Variants in GCA observed in about 807,000 individuals in gnomAD.
The protein encoded by GCA is grancalcin, also known as grancalcin, EF-hand calcium-binding protein.
Under a neutral mutation model 32.6 loss-of-function variants are expected in GCA, and 30 were observed. The observed-to-expected ratio is 0.92, with a 90% CI of 0.69 to 1.25. GCA has a LOEUF of 1.25. GCA is among the 50% of genes most tolerant of loss of function. The pLI is 0.00. For missense variants in GCA, 291 were observed against 266.8 expected, an observed-to-expected ratio of 1.09 and a Z score of -0.63; for synonymous variants, 102 against 84.6, an observed-to-expected ratio of 1.21 and a Z score of -1.13.
At chr2:162,364,855 C>T (rs1195769062), downstream of GCA, among the ~76,000 whole-genome samples, 1 of 151,450 alleles carries the variant, frequency 6.6e-6, no homozygotes, top group African/African-American at 2.4e-5. Flanking sequence ...TGAGTTAAAG[C>T]CTGTTTATCC....
At chr2:162,340,662 A>G (rs773320810), upstream of GCA, among the ~76,000 whole-genome samples, 4 of 152,176 alleles carry the variant, frequency 2.6e-5, no homozygotes, top group Non-Finnish European at 4.4e-5. Context: ...TGGTCTGTGA[A>G]GCCCTGCATG....
intron 3 of GCA, among the ~76,000 whole-genome samples, chr2:162,355,380 A>C (rs1346744251): frequency 6.6e-6 from 1 of 152,158 alleles, no homozygotes; most frequent in Non-Finnish European, 1.5e-5. Flanking sequence ...AATGTCTTAT[A>C]ATTTTTTCTT....
chr2:162,345,238 C>A (rs1177754935), intron 1 of GCA, among the ~76,000 whole-genome samples: 2 of 151,992 alleles, frequency 1.3e-5, no homozygotes, highest in Non-Finnish European at 2.9e-5. Flanking sequence ...TTAAGACTTG[C>A]CTCAATCCCC....
chr2:162,326,849 G>A (rs937338603), intron 1 of GCA, among the ~76,000 whole-genome samples: 2 of 152,064 alleles, frequency 1.3e-5, no homozygotes, highest in Non-Finnish European at 2.9e-5. Flanking sequence ...AAAACTCAGG[G>A]TATGATGGAG....
intron 1 of GCA, among the ~76,000 whole-genome samples, chr2:162,322,495 G>A (rs1026770134): frequency 1.3e-5 from 2 of 150,544 alleles, no homozygotes; most frequent in Non-Finnish European, 2.9e-5. Flanking sequence ...TCATGCTGGT[G>A]CGCTGCACCC....
chr2:162,321,268 T>C (rs12472542), intron 1 of GCA, among the ~76,000 whole-genome samples: 13,610 of 152,244 alleles, frequency 0.089, 1,341 homozygotes, highest in Admixed American at 0.23. Context: ...TTTAATCCTT[T>C]TCACCAGTTC....
chr2:162,331,290 T>TTTA (rs1438898946), intron 1 of GCA, among the ~76,000 whole-genome samples: 57 of 152,354 alleles, frequency 3.7e-4, no homozygotes, highest in African/African-American at 1.3e-3. Flanking sequence ...GTTCTGCACT[T>TTTA]TGCAAATGAC....
chr2:162,346,720 A>G (rs945653578), intron 1 of GCA: 77 of 152,260 alleles, frequency 5.1e-4, no homozygotes, highest in African/African-American at 1.8e-3. Context: ...TCCTCTTGAC[A>G]GTTTCAAATG....
downstream of GCA, chr2:162,371,792 C>T (rs1200486981): frequency 1.3e-6 from 2 of 1,570,298 alleles, no homozygotes; most frequent in Non-Finnish European, 1.7e-6. Flanking sequence ...CCATTAAAAG[C>T]ACTTACATTG....
intron 4 of GCA, among the ~76,000 whole-genome samples, chr2:162,370,998 G>C (rs1170591173): frequency 1.3e-5 from 2 of 151,972 alleles, no homozygotes; most frequent in African/African-American, 4.8e-5. Flanking sequence ...GCTCAGGATT[G>C]CTTTAAAATG....
intron 1 of GCA, among the ~76,000 whole-genome samples, chr2:162,324,534 C>G (rs1683805214): frequency 6.6e-6 from 1 of 152,106 alleles, no homozygotes; most frequent in Non-Finnish European, 1.5e-5. Flanking sequence ...TGATGTGCTC[C>G]CCTTGAGTCC....
chr2:162,342,867 C>T (rs1684496918), upstream of GCA, among the ~76,000 whole-genome samples: 1 of 152,196 alleles, frequency 6.6e-6, no homozygotes, highest in South Asian at 2.1e-4. Flanking sequence ...CTTCATAAGC[C>T]ATGCATTTTT....
intron 1 of GCA, 126 bp downstream of exon 1, chr2:162,344,401 C>T: frequency 1.1e-6 from 1 of 887,766 alleles, no homozygotes; most frequent in Non-Finnish European, 1.8e-6. Context: ...CTCGGCGGCG[C>T]CGGATTCCGG....
intron 4 of GCA, among the ~76,000 whole-genome samples, chr2:162,370,711 G>C (rs1296107220): frequency 2.6e-5 from 4 of 152,058 alleles, no homozygotes; most frequent in African/African-American, 9.7e-5. Context: ...ATGGAAACTA[G>C]TTTTGCCATG....
At chr2:162,335,821 C>A (rs558844685) in intron 1 of GCA, among the ~76,000 whole-genome samples, 111 of 152,300 alleles carry the variant, frequency 7.3e-4, no homozygotes, top group African/African-American at 2.6e-3. Context: ...CAATTGTCAA[C>A]CCCTTCGTTA....
At chr2:162,333,989 T>G (rs1576265665) in intron 1 of GCA, among the ~76,000 whole-genome samples, 1 of 152,222 alleles carries the variant, frequency 6.6e-6, no homozygotes, top group Non-Finnish European at 1.5e-5. Flanking sequence ...TCTTATTCCC[T>G]GGAACCTTGA....
At position 162,322,628 on chromosome 2, in the gene GCA, A is replaced by G. The variant is rs866897185; in HGVS notation, c.-31+3403A>G. Among the ~76,000 whole-genome samples, 33 of 140,862 alleles carry G rather than the reference A, an allele frequency of 2.3e-4. 1 individual carries two copies. The highest frequency in any genetic ancestry group is 4.2e-3 in the Middle Eastern group (1 of 238). 92.4% of individuals were successfully genotyped at this position (140,862 alleles called of 152,430 possible). A position where few individuals can be genotyped will look rare whatever the true frequency, so the allele number is the denominator to read the frequency against. Reference sequence around the variant, plus strand: ...TGTGTCCATGTGTTCGCATTGTTCAATTCCCACCTATGAGTGAGAATATGC... The same window carrying G: ...TGTGTCCATGTGTTCGCATTGTTCAGTTCCCACCTATGAGTGAGAATATGC... On this transcript the variant is annotated intron_variant, in intron 1 of 4. Coordinates refer to the GCA transcript ENST00000429691.
In GCA at chr2:162,321,011, C is replaced by T. The variant is rs146599555; in HGVS notation, c.-31+1786C>T. On this transcript the variant is annotated intron_variant, in intron 1 of 4. Transcript: ENST00000429691. The stretch of plus-strand genomic sequence containing the variant: ...TTTCTCACAAGTAGGAGTCTCTCTG[C>T]TGGATGAGGTCTGAGTGATGAGGAT... 2.9e-3 allele frequency among the ~76,000 whole-genome samples: 443 copies of T among 152,264 alleles called. 2 individuals are homozygous for T. The highest frequency in any genetic ancestry group is 0.01 in the African/African-American group (433 of 41,542).
chr2:162,360,308 C>G lies in GCA; in HGVS notation c.*65C>G, dbSNP rs1685511380. ...TTTTGTTTGGAAGAAGTGAACTGGACTACTTTAAAACTTTTAAGGGTTTTC... is the reference window on the plus strand; with the variant it reads ...TTTTGTTTGGAAGAAGTGAACTGGAGTACTTTAAAACTTTTAAGGGTTTTC... On this transcript the variant is annotated 3_prime_UTR_variant, in exon 8 of 8. Transcript: ENST00000437150. 6.4e-7 allele frequency: 1 copy of G among 1,551,762 alleles called. No homozygotes were observed. The highest frequency in any genetic ancestry group is 8.7e-7 in the Non-Finnish European group (1 of 1,150,498).
Sources: allele counts gnomAD v4.1 joint callset (sites outside exome capture counted in the v4.1 genomes callset), GRCh38; gene constraint gnomAD v4.1.1; transcripts MANE v1.5; gene names NCBI Gene and HGNC (gene_info 2026-07-23, HGNC 2026-07-21).